The following NPR2 variants were observed in gnomAD, a reference collection of about 807,000 sequenced individuals.
NPR2 encodes natriuretic peptide receptor 2.
NPR2 carries 49 observed loss-of-function variants against 120.7 expected under a neutral mutation model. That is an observed-to-expected ratio of 0.41 (90% CI 0.32 to 0.52). NPR2 has a LOEUF of 0.52. Among genes scored for constraint, NPR2 ranks in the 20% least tolerant of loss-of-function variants. The pLI is 0.36. For missense variants in NPR2, 931 were observed against 1,362.9 expected (o/e 0.68, Z 4.99); for synonymous variants, 484 against 519.8 (o/e 0.93, Z 0.94).
intron 2 of NPR2, among the ~76,000 whole-genome samples, chr9:35,798,775 G>C (rs1376676991): frequency 6.6e-6 from 1 of 152,234 alleles, no homozygotes; most frequent in Non-Finnish European, 1.5e-5. Flanking sequence ...CAGCAGCTCA[G>C]GAAGGGGAAA....
At position 35,805,769 on chromosome 9, in the gene NPR2, C is replaced by T; in HGVS notation, c.2048-61C>T. 1.2e-6 allele frequency: 2 copies of T among 1,608,202 alleles called. No individual in the cohort carries two copies. The highest frequency in any genetic ancestry group is 1.7e-6 in the Non-Finnish European group (2 of 1,175,398). Reference sequence around the variant, plus strand: ...GAGTGACAGTAATATAGGGATGAGCCCAGGTGGGCTTGGGGGTGCCCCATT... The same window carrying T: ...GAGTGACAGTAATATAGGGATGAGCTCAGGTGGGCTTGGGGGTGCCCCATT... On this transcript the variant is annotated intron_variant, in intron 13 of 21. Transcript: ENST00000342694. The surrounding 1 kb of genome is among the most constrained non-coding windows in gnomAD (Gnocchi z 4.9).
intron 7 of NPR2, 143 bp downstream of exon 7, chr9:35,801,297 C>G (rs374702849): frequency 4.1e-6 from 3 of 734,720 alleles, no homozygotes; most frequent in South Asian, 3.0e-5. Context: ...ACAGCGTCTT[C>G]CTCTCTAGCC....
chr9:35,793,220 C>T lies in NPR2; in HGVS notation c.667+145C>T, dbSNP rs906361259. On this transcript the variant is annotated intron_variant, in intron 1 of 21. Transcript: ENST00000342694. ...TCAAGAAGCACACGTGGACAGAGCA[C>T]CTGTGAGAGGGCCAAGGCTTCATCA... 6.8e-6 allele frequency: 6 copies of T among 880,554 alleles called. No homozygotes were observed. The Admixed American group carries it at 8.7e-5, about 13-fold the overall frequency. The allele number at this position is 880,554 out of a possible 1,614,324, so 54.5% of individuals were successfully genotyped here.
In NPR2 at chr9:35,806,147, T is replaced by A; in HGVS notation, c.2286T>A (p.Val762=). The change falls in exon 15 of 22, where the codon GTT becomes GTA. Residue 762 remains valine (V), a synonymous_variant. Transcript: ENST00000342694. This position sits in a 1 kb window ranked among gnomAD's most constrained non-coding sequence, Gnocchi z 4.6. ...GGACCCAACTGAATGAAGAGCTAGT[T>A]TTGCTGATGGAGCGATGTTGGGCTC... ...IDRTQLNEEL[V]LLMERCWAQD... is the part of the protein sequence containing the mutation. The A allele has an allele frequency of 6.2e-7, 1 of 1,614,158 alleles. No homozygotes were observed. Among genetic ancestry groups the A allele is most frequent in the African/African-American group, 1.3e-5 (1 of 75,040 alleles).
In NPR2 at chr9:35,800,691, CT is replaced by C; in HGVS notation, c.1219-13del. On this transcript the variant is annotated splice_polypyrimidine_tract_variant and intron_variant, in intron 5 of 21. Transcript: ENST00000342694. This position sits in a 1 kb window ranked among gnomAD's most constrained non-coding sequence, Gnocchi z 4.7. ...GGTGGGAGCAGGCCTGTGGGCCCAGCTTTTTGCTTCCTTACAGCCTGCAGCC... is the reference window on the plus strand; with the variant it reads ...GGTGGGAGCAGGCCTGTGGGCCCAGCTTTTGCTTCCTTACAGCCTGCAGCC... 2 of 1,614,066 alleles carry C rather than the reference CT, an allele frequency of 1.2e-6. No homozygotes were observed. Among genetic ancestry groups the C allele is most frequent in the Non-Finnish European group, 1.7e-6 (2 of 1,179,996 alleles).
chr9:35,800,609 C>CT lies in NPR2; in HGVS notation c.1219-99dup. On this transcript the variant is annotated intron_variant, in intron 5 of 21. Coordinates refer to ENST00000342694, the MANE Select transcript of NPR2 (RefSeq NM_003995.4). This position sits in a 1 kb window ranked among gnomAD's most constrained non-coding sequence, Gnocchi z 4.7. ...TTTCTCTGCTGGCACTGCATCCTGG[C>CT]TGGGTGGTAGGCTGGGGAGAAAAGC... is the stretch of plus-strand genomic sequence containing the variant. 1 of 1,599,412 alleles carries CT rather than the reference C, an allele frequency of 6.3e-7. No homozygotes were observed. The highest frequency in any genetic ancestry group is 8.6e-7 in the Non-Finnish European group (1 of 1,167,552).
chr9:35,794,077 G>A lies in NPR2; in HGVS notation c.847G>A (p.Ala283Thr). The stretch of plus-strand genomic sequence containing the variant: ...GCAGGACAATCGCACCCGGGAACAG[G>A]CCCAGGCCCTCAGAGAGGCCTTTCA... ...PWQDNRTREQ[A>T]QALREAFQTV... is the part of the protein sequence containing the mutation. Residue 283 changes from alanine (A) to threonine (T), a missense_variant, in exon 2 of 22, where the codon GCC becomes ACC. Coordinates refer to ENST00000342694, the MANE Select transcript of NPR2 (RefSeq NM_003995.4). 1 of 1,614,154 alleles carries A rather than the reference G, an allele frequency of 6.2e-7. No individual in the cohort carries two copies. Among genetic ancestry groups the A allele is most frequent in the South Asian group, 1.1e-5 (1 of 91,088 alleles).
At position 35,801,691 on chromosome 9, in the gene NPR2, C is replaced by T; in HGVS notation, c.1485C>T (p.Arg495=). 6.2e-7 allele frequency: 1 copy of T among 1,614,122 alleles called. No individual in the cohort carries two copies. The highest frequency in any genetic ancestry group is 8.5e-7 in the Non-Finnish European group (1 of 1,179,938). ...TGGCTAGCATGTTGTGGCGTATTCG[C>T]TGGGAAGAACTGCAGTTTGGCAACT... ...KELASMLWRI[R]WEELQFGNSE... is the part of the protein sequence containing the mutation. The change falls in exon 8 of 22, where the codon CGC becomes CGT. Residue 495 remains arginine, a synonymous_variant. Coordinates refer to ENST00000342694, the MANE Select transcript of NPR2 (RefSeq NM_003995.4).
chr9:35,809,338 A>G lies in NPR2; in HGVS notation c.3079-42A>G. The G allele has an allele frequency of 6.2e-7, 1 of 1,612,554 alleles. No homozygotes were observed. The highest frequency in any genetic ancestry group is 8.5e-7 in the Non-Finnish European group (1 of 1,178,628). On this transcript the variant is annotated intron_variant, in intron 21 of 21. Coordinates refer to ENST00000342694, the MANE Select transcript of NPR2 (RefSeq NM_003995.4). The surrounding 1 kb of genome is among the most constrained non-coding windows in gnomAD (Gnocchi z 4.1). ...GGAAAGAGAGGGAGACAAAGGGACT[A>G]ACATCGAAGCATCTGAATCATGTCC...
In NPR2 at chr9:35,808,626, T is replaced by A; in HGVS notation, c.2830T>A (p.Phe944Ile). 6.2e-7 allele frequency: 1 copy of A among 1,614,186 alleles called. No individual in the cohort carries two copies. Among genetic ancestry groups the A allele is most frequent in the Non-Finnish European group, 8.5e-7 (1 of 1,180,028 alleles). ...AGCATTACTAGATGCAGTTTCTTCC[T>A]TTCGCATCCGCCACCGACCCCATGA... is the stretch of plus-strand genomic sequence containing the variant. Reference protein sequence around the residue: ...ALALLDAVSSFRIRHRPHDQL... With the variant: ...ALALLDAVSSIRIRHRPHDQL... The change falls in exon 19 of 22, where the codon TTT (phenylalanine) becomes ATT (isoleucine). Residue 944 changes from phenylalanine (F) to isoleucine (I), a missense_variant. Around this residue, in one of 3 missense-constraint regions of NPR2, gnomAD observed 184 missense variants for 328.3 expected, o/e 0.56. Coordinates refer to ENST00000342694, the MANE Select transcript of NPR2 (RefSeq NM_003995.4). The surrounding 1 kb of genome is among the most constrained non-coding windows in gnomAD (Gnocchi z 4.0).
intron 2 of NPR2, among the ~76,000 whole-genome samples, chr9:35,797,738 T>C (rs969412187): frequency 1.3e-5 from 2 of 152,140 alleles, no homozygotes; most frequent in African/African-American, 4.8e-5. Context: ...GGTTTTTTTT[T>C]TTGGTTTGGT....
chr9:35,793,456 C>G (rs1370782287), intron 1 of NPR2, among the ~76,000 whole-genome samples: 2 of 152,100 alleles, frequency 1.3e-5, no homozygotes, highest in Non-Finnish European at 2.9e-5. Flanking sequence ...CGCCAAGACC[C>G]CTTGGTGGTG....
chr9:35,806,947 A>T lies in NPR2; in HGVS notation c.2520-76A>T. 6.6e-7 allele frequency: 1 copy of T among 1,520,520 alleles called. No individual in the cohort carries two copies. Among genetic ancestry groups the T allele is most frequent in the South Asian group, 1.1e-5 (1 of 87,342 alleles). The allele number at this position is 1,520,520 out of a possible 1,614,324, so 94.2% of individuals were successfully genotyped here. On this transcript the variant is annotated intron_variant, in intron 16 of 21. Transcript: ENST00000342694. The surrounding 1 kb of genome is among the most constrained non-coding windows in gnomAD (Gnocchi z 4.6). ...TCTTGTTACAGCTCATCTCTGCTGC[A>T]GCCACATACACTTTCCCTCTCTCTT...
chr9:35,792,053 T>A lies in NPR2; in HGVS notation c.-356T>A. The A allele has an allele frequency of 1.1e-4, 2 of 18,514 alleles. No individual in the cohort carries two copies. The highest frequency in any genetic ancestry group is 2.0e-3 in the East Asian group (1 of 498). The allele number at this position is 18,514 out of a possible 1,614,324, so 1.1% of individuals were successfully genotyped here. The stretch of plus-strand genomic sequence containing the variant: ...CCACCCGCCCCCCACCCCCACCCCA[T>A]CCCAGTCCCAGATCCCCTTTTCCTT... On this transcript the variant is annotated 5_prime_UTR_variant, in exon 1 of 22. Transcript: ENST00000342694.
chr9:35,805,164 T>A lies in NPR2; in HGVS notation c.1888-347T>A, dbSNP rs1407295. 0.073 allele frequency among the ~76,000 whole-genome samples: 11,112 copies of A among 152,236 alleles called. 575 individuals carry two copies. The highest frequency in any genetic ancestry group is 0.14 in the Admixed American group (2,144 of 15,292). ...GCCAGGTATCTGAGGCCACCATGGG[T>A]GTTATATCATTTTGGTCTTCACCCA... On this transcript the variant is annotated intron_variant, in intron 12 of 21. Transcript: ENST00000342694. This position sits in a 1 kb window ranked among gnomAD's most constrained non-coding sequence, Gnocchi z 4.9.
At chr9:35,801,516 C>T (rs1828157479) in intron 7 of NPR2, 127 bp from the exon 8 acceptor site, 3 of 993,218 alleles carry the variant, frequency 3.0e-6, no homozygotes, top group Admixed American at 1.7e-5. Flanking sequence ...CCTTATCTTC[C>T]AGCCCTGTCT....
Position 35,805,595 on chromosome 9 carries a change from C to A in NPR2, c.1972C>A (p.Leu658Ile). 6.2e-7 allele frequency: 1 copy of A among 1,614,200 alleles called. No individual in the cohort carries two copies. Among genetic ancestry groups the A allele is most frequent in the Non-Finnish European group, 8.5e-7 (1 of 1,180,020 alleles). ...SNCVVDSRFV[L>I]KITDYGLASF... ...CTGTGTGGTGGATAGTCGTTTTGTGCTCAAAATCACAGACTATGGCCTGGC... is the reference window on the plus strand; with the variant it reads ...CTGTGTGGTGGATAGTCGTTTTGTGATCAAAATCACAGACTATGGCCTGGC... Residue 658 changes from leucine (L) to isoleucine (I), a missense_variant, in exon 13 of 22, where the codon CTC becomes ATC. Physicochemically the swap from Leu to Ile is conservative, Grantham distance 5 (BLOSUM62 2). Around this residue, in one of 3 missense-constraint regions of NPR2, gnomAD observed 681 missense variants for 974.3 expected, o/e 0.70. Coordinates refer to ENST00000342694, the MANE Select transcript of NPR2 (RefSeq NM_003995.4). The surrounding 1 kb of genome is among the most constrained non-coding windows in gnomAD (Gnocchi z 4.9).
intron 18 of NPR2, 22 bp downstream of exon 18, chr9:35,807,420 C>CT: frequency 6.5e-7 from 1 of 1,543,092 alleles, no homozygotes; most frequent in Non-Finnish European, 9.0e-7. Context: ...GGCCGCTGTT[C>CT]AATAGAAGAC....
At position 35,792,363 on chromosome 9, in the gene NPR2, G is replaced by A; in HGVS notation, c.-46G>A. The A allele has an allele frequency of 6.3e-7, 1 of 1,589,506 alleles. No homozygotes were observed. Among genetic ancestry groups the A allele is most frequent in the South Asian group, 1.1e-5 (1 of 88,372 alleles). ...GTGCTCGCGTCTCCCCTGTAGGCCA[G>A]AGCAGCCCCAAGTTCTGGGGGCGGT... is the stretch of plus-strand genomic sequence containing the variant. On this transcript the variant is annotated 5_prime_UTR_variant, in exon 1 of 22. Coordinates refer to ENST00000342694, the MANE Select transcript of NPR2 (RefSeq NM_003995.4).
Sources: gnomAD v4.1 joint callset for allele counts (sites outside exome capture counted in the v4.1 genomes callset) on GRCh38, gnomAD v4.1.1 for gene constraint, gnomAD v4.1.1 regional missense constraint, Gnocchi (gnomAD v3.1) non-coding constraint, MANE v1.5 for transcripts, NCBI Gene and HGNC (gene_info 2026-07-23, HGNC 2026-07-21) for gene names.